Variants in PRELID2 observed in about 807,000 individuals in gnomAD.
The protein encoded by PRELID2 is PRELI domain-containing protein 2.
A neutral mutation model predicts 28.4 loss-of-function variants in PRELID2; 25 were observed. The ratio of observed to expected loss-of-function variants is 0.88; its 90% CI spans 0.64 to 1.23. The LOEUF (loss-of-function observed/expected upper bound fraction) is 1.23. Ranked by LOEUF, PRELID2 falls within the 50% of genes most tolerant of loss-of-function variation. PRELID2 has a pLI of 0.00. For synonymous variants in PRELID2, 76 were observed against 71.6 expected (o/e 1.06, Z -0.31); for missense variants, 201 against 214.4 (o/e 0.94, Z 0.39).
At chr5:145,799,694 G>T (rs1753000306) in intron 4 of PRELID2, among the ~76,000 whole-genome samples, 1 of 152,150 alleles carries the variant, frequency 6.6e-6, no homozygotes, top group Non-Finnish European at 1.5e-5. Flanking sequence ...GCATAAGGTG[G>T]GTGTGGGAGA....
chr5:145,734,271 G>A (rs545088356), intron 1 of PRELID2, among the ~76,000 whole-genome samples: 1 of 152,176 alleles, frequency 6.6e-6, no homozygotes, highest in African/African-American at 2.4e-5. Flanking sequence ...ATGAGCCACT[G>A]CACCTGGCTC....
chr5:145,690,404 G>A (rs142265550), intron 1 of PRELID2, among the ~76,000 whole-genome samples: 6 of 152,256 alleles, frequency 3.9e-5, no homozygotes, highest in Non-Finnish European at 8.8e-5. Flanking sequence ...TTCTGGCCAC[G>A]GTGATTGGTT....
chr5:145,332,161 G>T, the PRELID2 span, among the ~76,000 whole-genome samples: 1 of 152,182 alleles, frequency 6.6e-6, no homozygotes, highest in Non-Finnish European at 1.5e-5. Flanking sequence ...GCTTCCCTTT[G>T]TGGGTGACCT....
intron 1 of PRELID2, among the ~76,000 whole-genome samples, chr5:145,648,627 GT>G (rs1022982520): frequency 6.8e-6 from 1 of 148,050 alleles, no homozygotes; most frequent in African/African-American, 2.6e-5. Flanking sequence ...AGTTTAGGCG[GT>G]TTTTTTGTAT....
chr5:145,463,320 A>G, the PRELID2 span, among the ~76,000 whole-genome samples: 1 of 149,420 alleles, frequency 6.7e-6, no homozygotes, highest in East Asian at 1.9e-4. Context: ...ATCATTTTTT[A>G]ACTCAAAGCA....
chr5:145,702,809 C>T (rs1287623177), intron 1 of PRELID2, among the ~76,000 whole-genome samples: 1 of 152,104 alleles, frequency 6.6e-6, no homozygotes, highest in East Asian at 1.9e-4. Flanking sequence ...CCAGGGCACC[C>T]CTAATAAAAC....
intron 1 of PRELID2, among the ~76,000 whole-genome samples, chr5:145,552,019 A>G (rs1008932652): frequency 6.6e-6 from 1 of 152,102 alleles, no homozygotes; most frequent in Non-Finnish European, 1.5e-5. Context: ...CACACCATGC[A>G]GCTCAGCCTT....
intron 5 of PRELID2, among the ~76,000 whole-genome samples, chr5:145,780,861 A>G (rs1751536025): frequency 6.6e-6 from 1 of 152,214 alleles, no homozygotes; most frequent in African/African-American, 2.4e-5. Context: ...TTAACTCTCA[A>G]AAAGCCACCA....
the PRELID2 span, among the ~76,000 whole-genome samples, chr5:145,231,915 T>G: frequency 6.6e-6 from 1 of 152,122 alleles, no homozygotes; most frequent in Non-Finnish European, 1.5e-5. Context: ...CTCTGTCCAC[T>G]GTTTTTGTGG....
chr5:145,819,940 C>CTT lies in PRELID2; in HGVS notation c.207+3_207+4dup, dbSNP rs752731316. On this transcript the variant is annotated splice_donor_region_variant and intron_variant, in intron 3 of 6. Coordinates refer to ENST00000683046, the MANE Select transcript of PRELID2 (RefSeq NM_205846.3). ...AACTGTGATTACATTTTAAAATGAA[C>CTT]TTACCTTCCTTAAAATTTCTGGAAC... 1.3e-6 allele frequency: 2 copies of CTT among 1,555,742 alleles called. No individual in the cohort carries two copies. The highest frequency in any genetic ancestry group is 4.5e-5 in the East Asian group (2 of 44,492).
At chr5:145,615,565 A>G (rs1263396987) in intron 1 of PRELID2, among the ~76,000 whole-genome samples, 1 of 117,050 alleles carries the variant, frequency 8.5e-6, no homozygotes, top group Non-Finnish European at 1.7e-5. Context: ...TGACCTCGTG[A>G]TCTGCCCGCC....
At chr5:145,568,978 T>G (rs922078263) in intron 1 of PRELID2, among the ~76,000 whole-genome samples, 52 of 152,248 alleles carry the variant, frequency 3.4e-4, no homozygotes, top group African/African-American at 1.3e-3. Context: ...TTCTGGTCTA[T>G]TGCTGTTTGA....
Position 145,822,593 on chromosome 5 carries a change from C to A in PRELID2, c.133+484G>T, listed in dbSNP as rs115744137. 8.8e-3 allele frequency among the ~76,000 whole-genome samples: 1,343 copies of A among 152,270 alleles called. 12 individuals are homozygous for A. The highest frequency in any genetic ancestry group is 0.03 in the African/African-American group (1,234 of 41,550). On this transcript the variant is annotated intron_variant, in intron 2 of 6. Coordinates refer to ENST00000683046, the MANE Select transcript of PRELID2 (RefSeq NM_205846.3). ...TTTATAGTCATATCTCGTATTTAAT[C>A]ATATGCATTTTGCCATCTACAAAAT...
intron 1 of PRELID2, among the ~76,000 whole-genome samples, chr5:145,569,386 G>A (rs908913029): frequency 2.6e-5 from 4 of 152,030 alleles, no homozygotes; most frequent in Non-Finnish European, 5.9e-5. Flanking sequence ...ATTTTTAAAG[G>A]AATATAACAT....
the PRELID2 span, among the ~76,000 whole-genome samples, chr5:145,252,660 T>C: frequency 6.6e-6 from 1 of 152,094 alleles, no homozygotes; most frequent in Non-Finnish European, 1.5e-5. Context: ...TTGGTGACAG[T>C]TTCTGATGAC....
the PRELID2 span, among the ~76,000 whole-genome samples, chr5:145,340,707 C>T: frequency 6.6e-6 from 1 of 150,418 alleles, no homozygotes; most frequent in Admixed American, 6.7e-5. Flanking sequence ...GCAGATGATG[C>T]AGTGAGCTTT....
At chr5:145,449,020 G>C in the PRELID2 span, among the ~76,000 whole-genome samples, 1 of 152,112 alleles carries the variant, frequency 6.6e-6, no homozygotes, top group South Asian at 2.1e-4. Flanking sequence ...AGATTGCCCA[G>C]AAGCTCAAAG....
At chr5:145,356,605 T>C in the PRELID2 span, among the ~76,000 whole-genome samples, 1 of 152,144 alleles carries the variant, frequency 6.6e-6, no homozygotes, top group African/African-American at 2.4e-5. Context: ...GCTTTTTCTT[T>C]TTTCTGTTTG....
chr5:145,412,231 C>T, the PRELID2 span, among the ~76,000 whole-genome samples: 35 of 152,324 alleles, frequency 2.3e-4, no homozygotes, highest in African/African-American at 8.2e-4. Context: ...TTTTTTCCTG[C>T]ATAACCAGGC....
Sources: allele counts gnomAD v4.1 joint callset (sites outside exome capture counted in the v4.1 genomes callset), GRCh38; gene constraint gnomAD v4.1.1; transcripts MANE v1.5; gene names NCBI Gene and HGNC (gene_info 2026-07-23, HGNC 2026-07-21).